Variants in RASGRF2 observed in about 807,000 individuals in gnomAD.
RASGRF2 encodes the protein ras-specific guanine nucleotide-releasing factor 2.
In RASGRF2, 76 loss-of-function variants were observed where a neutral mutation model predicts 151.0. That is an observed-to-expected ratio of 0.50 (90% CI 0.42 to 0.61). The LOEUF (loss-of-function observed/expected upper bound fraction) is 0.61, where lower values mean the gene tolerates loss of function less well. RASGRF2 is among the 20% of genes least tolerant of loss of function. The pLI is 0.00. For missense variants in RASGRF2, 1,148 were observed against 1,564.6 expected, an observed-to-expected ratio of 0.73 and a Z score of 4.49; for synonymous variants, 504 against 566.5, an observed-to-expected ratio of 0.89 and a Z score of 1.57.
At chr5:81,179,452 G>A (rs903626898) in intron 17 of RASGRF2, among the ~76,000 whole-genome samples, 4 of 152,270 alleles carry the variant, frequency 2.6e-5, no homozygotes, top group African/African-American at 4.8e-5. Flanking sequence ...TTAAGAGCAG[G>A]CACTCTGGTT....
intron 2 of RASGRF2, among the ~76,000 whole-genome samples, chr5:81,056,552 G>T (rs994343759): frequency 1.3e-5 from 2 of 152,194 alleles, no homozygotes; most frequent in African/African-American, 4.8e-5. Flanking sequence ...TTCCAACTAT[G>T]TGGTCAGTTT....
intron 9 of RASGRF2, among the ~76,000 whole-genome samples, chr5:81,090,909 T>C (rs1427963458): frequency 6.6e-6 from 1 of 152,174 alleles, no homozygotes; most frequent in African/African-American, 2.4e-5. Context: ...TTTCTGAAAA[T>C]GACTCCCAGA....
chr5:81,092,736 G>A (rs1752426396), intron 9 of RASGRF2, 65 bp from the exon 10 acceptor site: 8 of 1,465,566 alleles, frequency 5.5e-6, no homozygotes, highest in African/African-American at 4.3e-5. Context: ...GTTTATTGCC[G>A]TGGACATGGT....
At chr5:81,112,990 T>C (rs1753043018) in intron 14 of RASGRF2, 132 bp downstream of exon 14, 1 of 1,193,298 alleles carries the variant, frequency 8.4e-7, no homozygotes, top group Non-Finnish European at 1.2e-6. Context: ...GAATGTACCA[T>C]GCCCCTCCAG....
chr5:81,217,619 G>A lies in RASGRF2; in HGVS notation c.3552+146G>A, dbSNP rs1451793713. ...TTTTGAGAAACAATCTCAGTCTATC[G>A]CCCAGGCTGGAGTGCAGTGGCACGA... On this transcript the variant is annotated intron_variant, in intron 25 of 26. Transcript: ENST00000265080. 6.6e-5 allele frequency: 42 copies of A among 639,544 alleles called. 1 individual carries two copies. Among genetic ancestry groups the A allele is most frequent in the Middle Eastern group, 5.2e-4 (1 of 1,932 alleles). 39.6% of individuals were successfully genotyped at this position (639,544 alleles called of 1,614,324 possible). A position where few individuals can be genotyped will look rare whatever the true frequency, so the allele number is the denominator to read the frequency against.
intron 12 of RASGRF2, among the ~76,000 whole-genome samples, chr5:81,107,600 G>A (rs1561208776): frequency 1.3e-5 from 2 of 152,162 alleles, no homozygotes; most frequent in South Asian, 2.1e-4. Flanking sequence ...TAAAGTATGT[G>A]TGGTGGTTCC....
At chr5:81,096,582 T>A (rs1247491288) in intron 12 of RASGRF2, 1 of 152,224 alleles carries the variant, frequency 6.6e-6, no homozygotes, top group Non-Finnish European at 1.5e-5. Flanking sequence ...TTTTTCCACC[T>A]GCTTCTACCT....
chr5:81,024,999 GT>G (rs1375962998), intron 1 of RASGRF2, among the ~76,000 whole-genome samples: 1 of 152,194 alleles, frequency 6.6e-6, no homozygotes, highest in Non-Finnish European at 1.5e-5. Context: ...TCCAGCAGGG[GT>G]TTCCTCTGTG....
intron 7 of RASGRF2, among the ~76,000 whole-genome samples, chr5:81,084,819 G>A (rs1033926305): frequency 2.6e-5 from 4 of 152,266 alleles, no homozygotes; most frequent in Admixed American, 6.5e-5. Flanking sequence ...CTCAGTCCCC[G>A]CAGACGAGAG....
intron 1 of RASGRF2, among the ~76,000 whole-genome samples, chr5:81,009,603 A>G (rs1240367246): frequency 1.3e-5 from 2 of 152,244 alleles, no homozygotes; most frequent in African/African-American, 4.8e-5. Context: ...GAGTAACCCA[A>G]AAGTCAAATA....
chr5:81,161,887 C>A (rs1754392135), intron 17 of RASGRF2, among the ~76,000 whole-genome samples: 1 of 150,072 alleles, frequency 6.7e-6, no homozygotes, highest in African/African-American at 2.5e-5. Context: ...TATTTAAATT[C>A]TTTTATTTTG....
intron 16 of RASGRF2, among the ~76,000 whole-genome samples, chr5:81,125,453 G>A (rs1057073791): frequency 2.5e-4 from 38 of 152,258 alleles, no homozygotes; most frequent in African/African-American, 8.7e-4. Flanking sequence ...AAATGAAGGT[G>A]ACAAATTAGA....
intron 1 of RASGRF2, among the ~76,000 whole-genome samples, chr5:80,999,344 T>C (rs1422365996): frequency 6.6e-6 from 1 of 152,074 alleles, no homozygotes; most frequent in Non-Finnish European, 1.5e-5. Context: ...TTTTATTTTA[T>C]TTTTTGTTTT....
Position 81,094,300 on chromosome 5 carries a change from G to C in RASGRF2, c.1556G>C (p.Gly519Ala). 1 of 1,613,252 alleles carries C rather than the reference G, an allele frequency of 6.2e-7. No homozygotes were observed. Among genetic ancestry groups the C allele is most frequent in the Non-Finnish European group, 8.5e-7 (1 of 1,179,710 alleles). ...SGGKLHLLKT[G>A]GVLSLIDCTL... ...GAAAAATTGGTTTGTTTCCAGACAG[G>C]TGGGGTTCTGTCTCTAATAGACTGC... Residue 519 changes from glycine to alanine, a missense_variant, in exon 11 of 27, where the codon GGT (glycine) becomes GCT (alanine). Physicochemically the swap from Gly to Ala is moderately conservative, Grantham distance 60. Coordinates refer to ENST00000265080, the MANE Select transcript of RASGRF2 (RefSeq NM_006909.3).
intron 2 of RASGRF2, among the ~76,000 whole-genome samples, chr5:81,048,064 A>G (rs2112406435): frequency 6.6e-6 from 1 of 152,360 alleles, no homozygotes; most frequent in East Asian, 1.9e-4. Flanking sequence ...TAGAGAATGC[A>G]CACAGAGAGA....
chr5:81,013,688 C>A (rs1210854314), intron 1 of RASGRF2, among the ~76,000 whole-genome samples: 2 of 149,916 alleles, frequency 1.3e-5, no homozygotes, highest in Non-Finnish European at 3.0e-5. Flanking sequence ...ATGTATTATC[C>A]CAGATTTCTA....
chr5:80,992,385 T>C (rs746558909), intron 1 of RASGRF2, among the ~76,000 whole-genome samples: 2 of 152,160 alleles, frequency 1.3e-5, no homozygotes, highest in Admixed American at 6.5e-5. Context: ...CTGTAGGGAA[T>C]TGACTTTTTT....
intron 1 of RASGRF2, among the ~76,000 whole-genome samples, chr5:80,993,444 C>T (rs933770530): frequency 1.3e-5 from 2 of 152,224 alleles, no homozygotes; most frequent in African/African-American, 2.4e-5. Context: ...CTACTCATCA[C>T]TCCGTTTCCT....
intron 1 of RASGRF2, among the ~76,000 whole-genome samples, chr5:80,969,167 G>A (rs1747821778): frequency 8.4e-6 from 1 of 118,686 alleles, no homozygotes; most frequent in African/African-American, 3.3e-5. Context: ...GTCTCGCTCT[G>A]TCACCCAGGC....
Sources: allele counts gnomAD v4.1 joint callset (sites outside exome capture counted in the v4.1 genomes callset), GRCh38; gene constraint gnomAD v4.1.1; transcripts MANE v1.5; gene names NCBI Gene and HGNC (gene_info 2026-07-23, HGNC 2026-07-21).